CGNL1: variants seen among roughly 807,000 people sequenced by gnomAD.
The protein encoded by CGNL1 is cingulin-like protein 1.
CGNL1 carries 132 observed loss-of-function variants against 141.2 expected under a neutral mutation model. That is an observed-to-expected ratio of 0.93 (90% CI 0.81 to 1.08). The LOEUF (loss-of-function observed/expected upper bound fraction) is 1.08, where lower values mean the gene tolerates loss of function less well. Ranked by LOEUF, CGNL1 falls within the 50% of genes least tolerant of loss-of-function variation. CGNL1 has a pLI of 0.00. For synonymous variants in CGNL1, 690 were observed against 622.1 expected, an observed-to-expected ratio of 1.11 and a Z score of -1.63; for missense variants, 1,870 against 1,588.6, an observed-to-expected ratio of 1.18 and a Z score of -3.01.
intron 1 of CGNL1, among the ~76,000 whole-genome samples, chr15:57,395,273 T>C (rs2062590275): frequency 6.6e-6 from 1 of 152,000 alleles, no homozygotes; most frequent in South Asian, 2.1e-4. Flanking sequence ...AAAGATGAGT[T>C]CCTTCAGTTC....
At chr15:57,498,253 T>TTG (rs1652369962) in intron 8 of CGNL1, among the ~76,000 whole-genome samples, 1 of 146,996 alleles carries the variant, frequency 6.8e-6, no homozygotes, top group Non-Finnish European at 1.5e-5. Flanking sequence ...CAGTTTTTTT[T>TTG]TTTTTTTTTT....
chr15:57,418,123 G>A (rs2062870393), intron 1 of CGNL1, among the ~76,000 whole-genome samples: 1 of 152,118 alleles, frequency 6.6e-6, no homozygotes, highest in African/African-American at 2.4e-5. Flanking sequence ...CTGGGAAGAG[G>A]CATTGCTGGG....
In CGNL1 at chr15:57,459,570, A is replaced by G. The variant is rs531704444; in HGVS notation, c.2191-2110A>G. Among the ~76,000 whole-genome samples, 99 of 152,278 alleles carry G rather than the reference A, an allele frequency of 6.5e-4. 2 individuals are homozygous for G. In the South Asian group the frequency reaches 0.02, roughly 30 times the overall value. ...GGGAGAAGGGCACTCCGGACTGAAG[A>G]TGCTGCGTGGATTGCCATAGAGGCT... is the stretch of plus-strand genomic sequence containing the variant. On this transcript the variant is annotated intron_variant, in intron 7 of 18. Coordinates refer to ENST00000281282, the MANE Select transcript of CGNL1 (RefSeq NM_032866.5).
chr15:57,543,609 T>C, intron 14 of CGNL1, 87 bp from the exon 15 acceptor site: 1 of 1,188,892 alleles, frequency 8.4e-7, no homozygotes, highest in Non-Finnish European at 1.2e-6. Context: ...AAGTGGAGGT[T>C]GACATTCAGT....
At chr15:57,480,045 A>G (rs150366908) in intron 8 of CGNL1, among the ~76,000 whole-genome samples, 45 of 152,362 alleles carry the variant, frequency 3.0e-4, no homozygotes, top group Admixed American at 7.8e-4. Context: ...GAGCTGTGGC[A>G]GCAAGTGTTG....
intron 1 of CGNL1, among the ~76,000 whole-genome samples, chr15:57,432,378 G>A (rs1022532751): frequency 6.6e-6 from 1 of 152,166 alleles, no homozygotes; most frequent in Admixed American, 6.5e-5. Context: ...CCAGAGAGAG[G>A]AAATGTTTCT....
intron 7 of CGNL1, among the ~76,000 whole-genome samples, chr15:57,456,826 A>T (rs1433678697): frequency 6.6e-6 from 1 of 152,170 alleles, no homozygotes; most frequent in Non-Finnish European, 1.5e-5. Flanking sequence ...GATGGGCCTC[A>T]CTCCAGCAGA....
intron 1 of CGNL1, among the ~76,000 whole-genome samples, chr15:57,425,314 T>A (rs1213784930): frequency 2.0e-5 from 3 of 152,166 alleles, no homozygotes; most frequent in Non-Finnish European, 4.4e-5. Flanking sequence ...CAGTGAGCTA[T>A]GATCTCACCA....
chr15:57,493,116 A>G (rs1490664479), intron 8 of CGNL1, among the ~76,000 whole-genome samples: 1 of 152,178 alleles, frequency 6.6e-6, no homozygotes, highest in Non-Finnish European at 1.5e-5. Context: ...CATTAGACCA[A>G]TATTAGTACT....
chr15:57,522,785 G>A (rs1322556525), intron 10 of CGNL1, among the ~76,000 whole-genome samples: 1 of 152,192 alleles, frequency 6.6e-6, no homozygotes, highest in Non-Finnish European at 1.5e-5. Flanking sequence ...CAAGATAGTT[G>A]TATTTTATGG....
Position 57,396,431 on chromosome 15 carries a change from G to T in CGNL1, c.-16+19864G>T, listed in dbSNP as rs148146049. Among the ~76,000 whole-genome samples, 932 of 152,136 alleles carry T rather than the reference G, an allele frequency of 6.1e-3. 8 individuals are homozygous for T. Among genetic ancestry groups the T allele is most frequent in the Non-Finnish European group, 0.011 (731 of 67,990 alleles). On this transcript the variant is annotated intron_variant, in intron 1 of 18. Transcript: ENST00000281282. Reference sequence around the variant, plus strand: ...TGGGGCTACAGGTGCATGCCACCATGCCTGGCTAATTTTTAATTTTTAAAA... The same window carrying T: ...TGGGGCTACAGGTGCATGCCACCATTCCTGGCTAATTTTTAATTTTTAAAA...
chr15:57,465,740 C>A (rs2063504098), intron 8 of CGNL1, among the ~76,000 whole-genome samples: 1 of 152,166 alleles, frequency 6.6e-6, no homozygotes, highest in Admixed American at 6.5e-5. Context: ...AACCTTCTGT[C>A]ATCAGTTTTT....
chr15:57,516,100 A>G (rs1289873053), intron 8 of CGNL1, among the ~76,000 whole-genome samples: 1 of 144,688 alleles, frequency 6.9e-6, no homozygotes, highest in Non-Finnish European at 1.5e-5. Flanking sequence ...CGGAGCTTGC[A>G]GTGAGCCGAC....
chr15:57,502,413 A>G (rs2064038183), intron 8 of CGNL1, among the ~76,000 whole-genome samples: 1 of 152,176 alleles, frequency 6.6e-6, no homozygotes, highest in Non-Finnish European at 1.5e-5. Context: ...TTCCACAGAT[A>G]TGGGGGAAGG....
chr15:57,465,778 A>G (rs1304309582), intron 8 of CGNL1, among the ~76,000 whole-genome samples: 1 of 152,204 alleles, frequency 6.6e-6, no homozygotes, highest in Non-Finnish European at 1.5e-5. Flanking sequence ...CCCAGTGTCA[A>G]AACCCCCTAA....
rs139664716 is a variant in CGNL1 at position 57,504,009 on chromosome 15, C to A, written c.2404-12771C>A. 3.4e-3 allele frequency among the ~76,000 whole-genome samples: 521 copies of A among 152,212 alleles called. 3 individuals carry two copies. The highest frequency in any genetic ancestry group is 0.012 in the African/African-American group (510 of 41,514). ...TTGAGCAGCTGCCCCCTGTGCCCTGCGTGGCATTGTGCTGAGTACGCTGGG... is the reference window on the plus strand; with the variant it reads ...TTGAGCAGCTGCCCCCTGTGCCCTGAGTGGCATTGTGCTGAGTACGCTGGG... On this transcript the variant is annotated intron_variant, in intron 8 of 18. Coordinates refer to ENST00000281282, the MANE Select transcript of CGNL1 (RefSeq NM_032866.5).
intron 9 of CGNL1, 81 bp from the exon 10 acceptor site, chr15:57,518,312 G>T (rs1390319581): frequency 2.0e-6 from 2 of 1,023,120 alleles, no homozygotes; most frequent in Non-Finnish European, 3.0e-6. Context: ...GGGTGTCTTC[G>T]GTGTTCATTT....
chr15:57,416,044 G>C (rs1250053630), intron 1 of CGNL1, among the ~76,000 whole-genome samples: 1 of 152,096 alleles, frequency 6.6e-6, no homozygotes, highest in Non-Finnish European at 1.5e-5. Context: ...TCAAATATCA[G>C]AGGTTGGGTT....
intron 1 of CGNL1, among the ~76,000 whole-genome samples, chr15:57,432,525 A>G (rs78519582): frequency 1.3e-5 from 2 of 152,188 alleles, no homozygotes; most frequent in East Asian, 3.9e-4. Flanking sequence ...CCAAAACACC[A>G]CTTTTATTTG....
Sources: gnomAD v4.1 joint callset for allele counts (sites outside exome capture counted in the v4.1 genomes callset) on GRCh38, gnomAD v4.1.1 for gene constraint, MANE v1.5 for transcripts, NCBI Gene and HGNC (gene_info 2026-07-23, HGNC 2026-07-21) for gene names.